TMEM87B: variants seen among roughly 807,000 people sequenced by gnomAD.
The protein encoded by TMEM87B is transmembrane protein 87B.
In TMEM87B, 83 loss-of-function variants were observed where a neutral mutation model predicts 80.3. The observed-to-expected ratio is 1.03, with a 90% confidence interval of 0.87 to 1.24. The LOEUF is 1.24. Ranked by LOEUF, TMEM87B falls within the 50% of genes most tolerant of loss-of-function variation. The probability of loss-of-function intolerance (pLI) is 0.00; values close to 1 mark genes in which losing one functional copy is unlikely to be tolerated. For missense variants in TMEM87B, 625 were observed against 674.4 expected (o/e 0.93, Z 0.81); for synonymous variants, 219 against 230.5 (o/e 0.95, Z 0.45).
rs58121628 is a variant in TMEM87B at position 112,112,596 on chromosome 2, G to C, written c.1578-303G>C. 0.025 allele frequency among the ~76,000 whole-genome samples: 3,732 copies of C among 152,318 alleles called. 62 individuals carry two copies. Among genetic ancestry groups the C allele is most frequent in the African/African-American group, 0.055 (2,301 of 41,564 alleles). On this transcript the variant is annotated intron_variant, in intron 17 of 18. Transcript: ENST00000283206. ...TGAAGTCTACAACTGTAGATTATTT[G>C]TGTCAGGTTTTAAAATGTTATCCCT...
chr2:112,110,234 A>T (rs754142607), intron 17 of TMEM87B, among the ~76,000 whole-genome samples: 50 of 152,240 alleles, frequency 3.3e-4, no homozygotes, highest in Non-Finnish European at 5.6e-4. Flanking sequence ...CCTACCACAC[A>T]TTAAGATTTC....
At chr2:112,064,807 A>T (rs921507920) in intron 3 of TMEM87B, among the ~76,000 whole-genome samples, 5 of 152,116 alleles carry the variant, frequency 3.3e-5, no homozygotes, top group Non-Finnish European at 5.9e-5. Flanking sequence ...GATTCTCGTG[A>T]TAGTTGCTTG....
rs746402196 is a variant in TMEM87B at position 112,064,266 on chromosome 2, C to T, written c.318+13C>T. The T allele has an allele frequency of 6.2e-7, 1 of 1,607,628 alleles. No individual in the cohort carries two copies. The highest frequency in any genetic ancestry group is 1.7e-5 in the Admixed American group (1 of 59,866). Reference sequence around the variant, plus strand: ...TTCTAATCTGGAAGTAAGTAAAACACAAGTTTTTAATGTATATAAAGCTAT... The same window carrying T: ...TTCTAATCTGGAAGTAAGTAAAACATAAGTTTTTAATGTATATAAAGCTAT... On this transcript the variant is annotated intron_variant, in intron 3 of 18. Transcript: ENST00000283206.
intron 4 of TMEM87B, among the ~76,000 whole-genome samples, chr2:112,068,698 C>T (rs947127671): frequency 3.1e-4 from 47 of 151,958 alleles, no homozygotes; most frequent in African/African-American, 9.6e-4. Flanking sequence ...AGTGAGACTC[C>T]GTCTCAAAAA....
chr2:112,084,846 G>A (rs1679097988), intron 8 of TMEM87B, among the ~76,000 whole-genome samples: 1 of 152,200 alleles, frequency 6.6e-6, no homozygotes, highest in South Asian at 2.1e-4. Flanking sequence ...ATTGTAGGTA[G>A]AGCAATCTTG....
chr2:112,081,327 T>C lies in TMEM87B; in HGVS notation c.655-8T>C, dbSNP rs1428058379. On this transcript the variant is annotated splice_polypyrimidine_tract_variant and splice_region_variant and intron_variant, in intron 7 of 18. Transcript: ENST00000283206. The stretch of plus-strand genomic sequence containing the variant: ...CTTAACTGACTAAAATTGCTTCTCT[T>C]CCTACAGTTTTACATGGTGATGTGT... 1 of 1,585,126 alleles carries C rather than the reference T, an allele frequency of 6.3e-7. No individual in the cohort carries two copies. The highest frequency in any genetic ancestry group is 8.6e-7 in the Non-Finnish European group (1 of 1,168,612).
intron 17 of TMEM87B, among the ~76,000 whole-genome samples, chr2:112,110,374 A>G (rs1679878800): frequency 6.6e-6 from 1 of 151,398 alleles, no homozygotes; most frequent in South Asian, 2.1e-4. Flanking sequence ...CTTTGTTTTT[A>G]TCTACTTCTG....
intron 15 of TMEM87B, among the ~76,000 whole-genome samples, chr2:112,102,801 A>G (rs540498927): frequency 6.6e-6 from 1 of 152,346 alleles, no homozygotes; most frequent in South Asian, 2.1e-4. Context: ...GCCTCAGCAA[A>G]CTAATTCTAA....
chr2:112,093,991 A>G (rs570612551), intron 11 of TMEM87B, among the ~76,000 whole-genome samples: 114 of 152,262 alleles, frequency 7.5e-4, no homozygotes, highest in African/African-American at 2.5e-3. Flanking sequence ...AGCTGATTAT[A>G]TCTATTCAAT....
intron 10 of TMEM87B, among the ~76,000 whole-genome samples, chr2:112,091,180 C>T (rs1422736693): frequency 1.3e-5 from 2 of 150,600 alleles, no homozygotes; most frequent in East Asian, 3.9e-4. Context: ...GCAGAGGTTG[C>T]AGTGAGCTGA....
chr2:112,074,653 G>C (rs780647361), intron 4 of TMEM87B, among the ~76,000 whole-genome samples: 8 of 152,090 alleles, frequency 5.3e-5, no homozygotes, highest in Non-Finnish European at 8.8e-5. Context: ...TACTGAAATA[G>C]GTTTTTCAAG....
At position 112,077,263 on chromosome 2, in the gene TMEM87B, TGCAA is replaced by T; in HGVS notation, c.576_579del (p.Ser193GlyfsTer3). Reference sequence around the variant, plus strand: ...TTTCTATTAAAACGGAGAATACAGATGCAAGCTGGAATTTGAATGGTATAGTTAA... The same window carrying T: ...TTTCTATTAAAACGGAGAATACAGATGCTGGAATTTGAATGGTATAGTTAA... On this transcript the variant is annotated frameshift_variant, in exon 6 of 19. Transcript: ENST00000283206. LOFTEE classifies it high-confidence loss of function. 6.3e-7 allele frequency: 1 copy of T among 1,585,332 alleles called. No homozygotes were observed.
Position 112,086,109 on chromosome 2 carries a change from G to A in TMEM87B, c.938+5G>A, listed in dbSNP as rs759720735. ...CCTGGGCTATGGCATTGTGAAGTAA[G>A]TACTGGCGTGTGGGAAAAATGCTGG... On this transcript the variant is annotated splice_donor_5th_base_variant and intron_variant, in intron 9 of 18. Coordinates refer to ENST00000283206, the MANE Select transcript of TMEM87B (RefSeq NM_032824.3). The A allele has an allele frequency of 6.2e-7, 1 of 1,612,630 alleles. No individual in the cohort carries two copies. Among genetic ancestry groups the A allele is most frequent in the Non-Finnish European group, 8.5e-7 (1 of 1,178,852 alleles).
intron 9 of TMEM87B, among the ~76,000 whole-genome samples, chr2:112,086,350 G>A (rs546558252): frequency 7.3e-4 from 111 of 152,098 alleles, no homozygotes; most frequent in Non-Finnish European, 1.3e-3. Flanking sequence ...CAACTTTAAG[G>A]ATAATGGAAA....
At chr2:112,064,663 G>A (rs926245303) in intron 3 of TMEM87B, among the ~76,000 whole-genome samples, 1 of 152,212 alleles carries the variant, frequency 6.6e-6, no homozygotes, top group Non-Finnish European at 1.5e-5. Flanking sequence ...GGTATCTGGG[G>A]AAAGGCAGAG....
Position 112,077,748 on chromosome 2 carries a change from T to G in TMEM87B, c.592+466T>G, listed in dbSNP as rs80157760. On this transcript the variant is annotated intron_variant, in intron 6 of 18. Coordinates refer to ENST00000283206, the MANE Select transcript of TMEM87B (RefSeq NM_032824.3). Reference sequence around the variant, plus strand: ...CAGCATATCTGCCAGCATGTGCTTCTGTGGTCTGTGAGGCACCCCCACCAC... The same window carrying G: ...CAGCATATCTGCCAGCATGTGCTTCGGTGGTCTGTGAGGCACCCCCACCAC... 6.0e-3 allele frequency among the ~76,000 whole-genome samples: 916 copies of G among 152,368 alleles called. 11 individuals carry two copies. Among genetic ancestry groups the G allele is most frequent in the African/African-American group, 0.021 (880 of 41,576 alleles).
chr2:112,067,392 G>A (rs1188087066), intron 4 of TMEM87B, among the ~76,000 whole-genome samples: 2 of 152,164 alleles, frequency 1.3e-5, no homozygotes, highest in Non-Finnish European at 2.9e-5. Context: ...TGGATCACCT[G>A]TGGTCAGGAG....
rs574795786 is a variant in TMEM87B, at chr2:112,083,345, G to A, written c.838+1827G>A. On this transcript the variant is annotated intron_variant, in intron 8 of 18. Transcript: ENST00000283206. The stretch of plus-strand genomic sequence containing the variant: ...AGATAATCACTGGTCAGTCTAGACC[G>A]CTGCTGTTTTCTGTGGTAGCCACAA... 1.1e-3 allele frequency among the ~76,000 whole-genome samples: 160 copies of A among 152,282 alleles called. 1 individual carries two copies. Among genetic ancestry groups the A allele is most frequent in the Non-Finnish European group, 1.4e-3 (94 of 68,006 alleles).
At chr2:112,064,679 TGA>T (rs1678363768) in intron 3 of TMEM87B, among the ~76,000 whole-genome samples, 1 of 152,210 alleles carries the variant, frequency 6.6e-6, no homozygotes, top group African/African-American at 2.4e-5. Flanking sequence ...CAGAGGATTC[TGA>T]GAGAGAAGGA....
Sources: gnomAD v4.1 joint callset for allele counts (sites outside exome capture counted in the v4.1 genomes callset) on GRCh38, gnomAD v4.1.1 for gene constraint, MANE v1.5 for transcripts, NCBI Gene and HGNC (gene_info 2026-07-23, HGNC 2026-07-21) for gene names.